INPP5A: variants seen among roughly 807,000 people sequenced by gnomAD.
INPP5A encodes the protein 43 kDa inositol polyphosphate 5-phophatase.
In INPP5A, 14 loss-of-function variants were observed where a neutral mutation model predicts 65.2. The ratio of observed to expected loss-of-function variants is 0.21; its 90% CI spans 0.14 to 0.34. INPP5A has a LOEUF of 0.34. Ranked by LOEUF, INPP5A falls within the 10% of genes least tolerant of loss-of-function variation. The probability of loss-of-function intolerance (pLI) is 1.00; values close to 1 mark genes in which losing one functional copy is unlikely to be tolerated. For missense variants in INPP5A, 431 were observed against 545.6 expected, an observed-to-expected ratio of 0.79 and a Z score of 2.09; for synonymous variants, 207 against 208.3, an observed-to-expected ratio of 0.99 and a Z score of 0.05.
chr10:132,734,768 C>G (rs1274080686), intron 9 of INPP5A, among the ~76,000 whole-genome samples: 1 of 152,228 alleles, frequency 6.6e-6, no homozygotes, highest in Non-Finnish European at 1.5e-5. Flanking sequence ...GATTTCCCAC[C>G]GAAGTGTCTG....
At chr10:132,649,373 G>A (rs1469954885) in intron 3 of INPP5A, among the ~76,000 whole-genome samples, 1 of 152,176 alleles carries the variant, frequency 6.6e-6, no homozygotes, top group African/African-American at 2.4e-5. Context: ...CGGCTTCTTC[G>A]TAGGATGACG....
chr10:132,749,690 C>T, intron 10 of INPP5A, 78 bp downstream of exon 10: 1 of 1,597,050 alleles, frequency 6.3e-7, no homozygotes, highest in Admixed American at 1.7e-5. Flanking sequence ...AGCCGCCCTG[C>T]CTGCCCGGTT....
At chr10:132,609,560 C>T (rs1368961805) in intron 2 of INPP5A, among the ~76,000 whole-genome samples, 1 of 152,238 alleles carries the variant, frequency 6.6e-6, no homozygotes, top group Non-Finnish European at 1.5e-5. Context: ...GCAGAACCTG[C>T]CGCCTACACA....
chr10:132,671,981 G>A (rs908454976), intron 4 of INPP5A, among the ~76,000 whole-genome samples: 3 of 152,222 alleles, frequency 2.0e-5, no homozygotes, highest in African/African-American at 7.2e-5. Context: ...GCATTGATTA[G>A]AGGTGACTGT....
chr10:132,640,206 T>C (rs1354379948), intron 2 of INPP5A, among the ~76,000 whole-genome samples: 1 of 152,268 alleles, frequency 6.6e-6, no homozygotes, highest in Admixed American at 6.5e-5. Context: ...GCATTCACCC[T>C]GATGAGGTAC....
intron 4 of INPP5A, 111 bp from the exon 5 acceptor site, chr10:132,690,281 G>T: frequency 1.3e-6 from 1 of 753,400 alleles, no homozygotes. Context: ...ATTATAACTG[G>T]TGAAACTCTT....
Position 132,546,531 on chromosome 10 carries a change from G to T in INPP5A, c.75+8360G>T, listed in dbSNP as rs1255695695. 2.6e-5 allele frequency among the ~76,000 whole-genome samples: 4 copies of T among 152,128 alleles called. No homozygotes were observed. Among genetic ancestry groups the T allele is most frequent in the Non-Finnish European group, 5.9e-5 (4 of 68,000 alleles). ...GGGGACCAGCTGGTTGCTGTGTCGG[G>T]GGGCCGTGCTCCCCCTTCTCTCTTG... is the stretch of plus-strand genomic sequence containing the variant. On this transcript the variant is annotated intron_variant, in intron 1 of 15. Transcript: ENST00000368594. The surrounding 1 kb of genome is among the most constrained non-coding windows in gnomAD (Gnocchi z 5.7).
chr10:132,624,144 C>CGCATGTTGCTCCCACCTGACCCAT (rs769396045), intron 2 of INPP5A, among the ~76,000 whole-genome samples: 2,296 of 152,270 alleles, frequency 0.015, 33 homozygotes, highest in South Asian at 0.039. Flanking sequence ...CCCTGACCCA[C>CGCATGTTGCTCCCACCTGACCCAT]GCACGTTGCT....
At chr10:132,699,731 C>A (rs1477092178) in intron 6 of INPP5A, among the ~76,000 whole-genome samples, 1 of 152,158 alleles carries the variant, frequency 6.6e-6, no homozygotes, top group Non-Finnish European at 1.5e-5. Flanking sequence ...ACTCTAGGGT[C>A]CTCCCAGGCA....
intron 8 of INPP5A, among the ~76,000 whole-genome samples, chr10:132,719,441 G>T (rs186906317): frequency 0.021 from 3,025 of 146,888 alleles, no homozygotes; most frequent in African/African-American, 0.074. Flanking sequence ...GGGTTCTGTG[G>T]TACCTGGGTT....
rs1478293707 is a variant in INPP5A, at chr10:132,538,980, C to T, written c.75+809C>T. 6.6e-6 allele frequency among the ~76,000 whole-genome samples: 1 copy of T among 152,164 alleles called. No homozygotes were observed. Among genetic ancestry groups the T allele is most frequent in the Non-Finnish European group, 1.5e-5 (1 of 68,026 alleles). On this transcript the variant is annotated intron_variant, in intron 1 of 15. Transcript: ENST00000368594. The surrounding 1 kb of genome is among the most constrained non-coding windows in gnomAD (Gnocchi z 4.1). Reference sequence around the variant, plus strand: ...TTGTCCTTGACCCCTGAACCTGGAACCCTGGTTCCAGAATCAGGCCCCAAA... The same window carrying T: ...TTGTCCTTGACCCCTGAACCTGGAATCCTGGTTCCAGAATCAGGCCCCAAA...
At chr10:132,769,059 C>T (rs749622624) in intron 12 of INPP5A, among the ~76,000 whole-genome samples, 8 of 152,318 alleles carry the variant, frequency 5.3e-5, no homozygotes, top group East Asian at 3.9e-4. Flanking sequence ...GCACCCGGGG[C>T]GTTGGTGCGT....
At chr10:132,658,883 G>A (rs573535142) in intron 4 of INPP5A, among the ~76,000 whole-genome samples, 1 of 152,190 alleles carries the variant, frequency 6.6e-6, no homozygotes, top group East Asian at 1.9e-4. Context: ...CCATGCACCC[G>A]GCAGGAGAGT....
intron 1 of INPP5A, among the ~76,000 whole-genome samples, chr10:132,605,452 G>A (rs1399575825): frequency 1.4e-5 from 2 of 146,408 alleles, no homozygotes; most frequent in African/African-American, 5.1e-5. Flanking sequence ...GGAGGGGATG[G>A]GGAGGGTGTG....
chr10:132,779,867 C>T (rs1312353017), intron 13 of INPP5A, among the ~76,000 whole-genome samples: 1 of 152,194 alleles, frequency 6.6e-6, no homozygotes, highest in Non-Finnish European at 1.5e-5. Flanking sequence ...TGGGGAGCCT[C>T]GGTGACAAGT....
In INPP5A at chr10:132,627,524, G is replaced by T. The variant is rs903424600; in HGVS notation, c.118-18344G>T. On this transcript the variant is annotated intron_variant, in intron 2 of 15. Coordinates refer to ENST00000368594, the MANE Select transcript of INPP5A (RefSeq NM_005539.5). This position sits in a 1 kb window ranked among gnomAD's most constrained non-coding sequence, Gnocchi z 6.6. ...CCTGCCAGAAGTGGGTGCTTTGAGGGCCAGTGCCTGGTCTGTCCCGACTCC... is the reference window on the plus strand; with the variant it reads ...CCTGCCAGAAGTGGGTGCTTTGAGGTCCAGTGCCTGGTCTGTCCCGACTCC... Among the ~76,000 whole-genome samples the T allele has an allele frequency of 2.0e-5, 3 of 152,216 alleles. No individual in the cohort carries two copies. The highest frequency in any genetic ancestry group is 4.4e-5 in the Non-Finnish European group (3 of 68,042).
At chr10:132,699,176 A>G (rs1334221521) in intron 6 of INPP5A, among the ~76,000 whole-genome samples, 1 of 152,156 alleles carries the variant, frequency 6.6e-6, no homozygotes, top group Non-Finnish European at 1.5e-5. Context: ...CCTGTGGTGC[A>G]GGCCCATCGG....
chr10:132,596,587 C>T (rs1381348805), intron 1 of INPP5A, among the ~76,000 whole-genome samples: 1 of 152,050 alleles, frequency 6.6e-6, no homozygotes, highest in Non-Finnish European at 1.5e-5. Context: ...ACCACCATGC[C>T]CGGCTAATTT....
In INPP5A at chr10:132,783,408, T is replaced by C. The variant is rs1847202776; in HGVS notation, c.*1379T>C. 6.6e-6 allele frequency: 1 copy of C among 152,434 alleles called. No individual in the cohort carries two copies. 9.4% of individuals were successfully genotyped at this position (152,434 alleles called of 1,614,324 possible). On this transcript the variant is annotated 3_prime_UTR_variant, in exon 16 of 16. Coordinates refer to ENST00000368594, the MANE Select transcript of INPP5A (RefSeq NM_005539.5). ...GAGTCCGCCCCGCGGGTTTCAGCTG[T>C]TGGTCGTTCTGAGGGGCCTTTGGAA...
Sources: allele counts gnomAD v4.1 joint callset (sites outside exome capture counted in the v4.1 genomes callset), GRCh38; gene constraint gnomAD v4.1.1; non-coding constraint Gnocchi (gnomAD v3.1); transcripts MANE v1.5; gene names NCBI Gene and HGNC (gene_info 2026-07-23, HGNC 2026-07-21).